The following CTSK variants were observed in gnomAD, a reference collection of about 807,000 sequenced individuals.
CTSK encodes cathepsin O.
Under a neutral mutation model 40.5 loss-of-function variants are expected in CTSK, and 26 were observed. That is an observed-to-expected ratio of 0.64 (90% confidence interval 0.47 to 0.89). CTSK has a LOEUF of 0.89. Among genes scored for constraint, CTSK ranks in the 40% least tolerant of loss-of-function variants. The pLI is 0.00. For missense variants in CTSK, 292 were observed against 400.1 expected (o/e 0.73, Z 2.30); for synonymous variants, 132 against 143.2 (o/e 0.92, Z 0.56).
At chr1:150,797,972 C>T (rs191986257) in intron 7 of CTSK, among the ~76,000 whole-genome samples, 2 of 152,276 alleles carry the variant, frequency 1.3e-5, no homozygotes, top group Admixed American at 6.5e-5. Flanking sequence ...AACACCACTG[C>T]GTGAGTCTGT....
intron 4 of CTSK, 27 bp from the exon 5 acceptor site, chr1:150,804,266 A>C: frequency 6.4e-7 from 1 of 1,564,082 alleles, no homozygotes; most frequent in Non-Finnish European, 8.8e-7. Context: ...GAAACTATCA[A>C]TCTTTGCTGT....
chr1:150,796,721 A>G lies in CTSK; in HGVS notation c.*78T>C, dbSNP rs200704218. ...CATCTGCTTCAAAAATAGCACACCA[A>G]CTCCCTTCCAAAGTGCATCGTTACA... On this transcript the variant is annotated 3_prime_UTR_variant, in exon 8 of 8. Transcript: ENST00000271651. The G allele has an allele frequency of 4.3e-5, 42 of 988,128 alleles. No individual in the cohort carries two copies. The highest frequency in any genetic ancestry group is 6.6e-5 in the Non-Finnish European group (40 of 608,264). 61.2% of individuals were successfully genotyped at this position (988,128 alleles called of 1,614,324 possible).
intron 4 of CTSK, among the ~76,000 whole-genome samples, chr1:150,805,638 C>CA (rs79027279): frequency 0.018 from 981 of 53,984 alleles, 7 homozygotes; most frequent in African/African-American, 0.024. Flanking sequence ...GACTCTATCT[C>CA]AAAAAAAAAA....
chr1:150,803,914 G>A (rs1654037881), intron 5 of CTSK, 107 bp downstream of exon 5: 2 of 1,005,036 alleles, frequency 2.0e-6, no homozygotes, highest in Admixed American at 3.5e-5. Context: ...CAAGAAAGCA[G>A]GATAGGATAA....
Position 150,799,166 on chromosome 1 carries a change from AC to A in CTSK, c.890+1del. The A allele has an allele frequency of 1.3e-6, 2 of 1,578,178 alleles. No individual in the cohort carries two copies. The highest frequency in any genetic ancestry group is 1.7e-6 in the Non-Finnish European group (2 of 1,147,246). On this transcript the variant is annotated splice_donor_variant, in intron 7 of 7. Transcript: ENST00000271651. LOFTEE classifies it high-confidence loss of function. ...TAACAAAAGTAGTGTTCCCATCATT[AC>A]CTGTTTTTAATTATCCAGTGCTTGT...
intron 1 of CTSK, among the ~76,000 whole-genome samples, chr1:150,807,080 TCACACACACA>T (rs1171180978): frequency 0.027 from 1,877 of 69,630 alleles, 49 homozygotes; most frequent in African/African-American, 0.064. Context: ...TCTCTCTCTC[TCACACACACA>T]CACACACACA....
At position 150,805,997 on chromosome 1, in the gene CTSK, T is replaced by C; in HGVS notation, c.263A>G (p.Gln88Arg). Residue 88 changes from glutamine (Q) to arginine (R), a missense_variant, in exon 4 of 8, where the codon CAG (glutamine) becomes CGG (arginine). Gln to Arg is a conservative substitution (Grantham distance 43). Coordinates refer to ENST00000271651, the MANE Select transcript of CTSK (RefSeq NM_000396.4). ...GGGTACTTTGAGTCCAGTCATCTTC[T>C]GAACCACCTCTTCACTGGTCTAAGA... is the stretch of plus-strand genomic sequence containing the variant. ...LGDMTSEEVV[Q>R]KMTGLKVPLS... is the part of the protein sequence containing the mutation. 6.2e-7 allele frequency: 1 copy of C among 1,614,234 alleles called. No homozygotes were observed. Among genetic ancestry groups the C allele is most frequent in the African/African-American group, 1.3e-5 (1 of 75,052 alleles).
chr1:150,796,689 A>G lies in CTSK; in HGVS notation c.*110T>C. ...GGGAAACTGAACAGACAATCTCAGTATCACCACATCTGCTTCAAAAATAGC... is the reference window on the plus strand; with the variant it reads ...GGGAAACTGAACAGACAATCTCAGTGTCACCACATCTGCTTCAAAAATAGC... On this transcript the variant is annotated 3_prime_UTR_variant, in exon 8 of 8. Transcript: ENST00000271651. The G allele has an allele frequency of 1.2e-6, 1 of 822,894 alleles. No individual in the cohort carries two copies. Among genetic ancestry groups the G allele is most frequent in the Admixed American group, 1.7e-5 (1 of 59,086 alleles). The allele number at this position is 822,894 out of a possible 1,614,324, so 51.0% of individuals were successfully genotyped here.
At chr1:150,800,470 A>G (rs4997932) in intron 5 of CTSK, 1 of 153,024 alleles carries the variant, frequency 6.5e-6, no homozygotes. Context: ...ATATAAAAGT[A>G]CATAACAAGA....
chr1:150,803,860 A>C (rs1270445470), intron 5 of CTSK, among the ~76,000 whole-genome samples, 161 bp downstream of exon 5: 14 of 152,208 alleles, frequency 9.2e-5, no homozygotes. Flanking sequence ...AAATTCCCCC[A>C]GATTGTGGAA....
intron 4 of CTSK, among the ~76,000 whole-genome samples, chr1:150,805,638 C>CAA (rs79027279): frequency 1.6e-3 from 85 of 54,828 alleles, no homozygotes; most frequent in African/African-American, 2.0e-3. Flanking sequence ...GACTCTATCT[C>CAA]AAAAAAAAAA....
intron 5 of CTSK, among the ~76,000 whole-genome samples, chr1:150,801,625 A>G (rs149447143): frequency 0.36 from 53,409 of 149,356 alleles, 9,841 homozygotes; most frequent in South Asian, 0.54. Flanking sequence ...TGCAAGCTCC[A>G]CCTCCCGGGT....
intron 7 of CTSK, among the ~76,000 whole-genome samples, chr1:150,798,336 C>T (rs587617653): frequency 1.3e-5 from 2 of 152,214 alleles, no homozygotes; most frequent in Admixed American, 1.3e-4. Context: ...ACGCTGTTCC[C>T]CTACTGTTAA....
At chr1:150,805,551 A>C (rs1654070024) in intron 4 of CTSK, among the ~76,000 whole-genome samples, 1 of 149,730 alleles carries the variant, frequency 6.7e-6, no homozygotes, top group South Asian at 2.2e-4. Flanking sequence ...AGGCAGGAGA[A>C]TCGCTTGAAC....
At chr1:150,799,055 T>G in intron 7 of CTSK, 113 bp downstream of exon 7, 1 of 766,108 alleles carries the variant, frequency 1.3e-6, no homozygotes, top group Admixed American at 1.9e-5. Context: ...AAGTGAGAAC[T>G]CTGAGATAAT....
intron 7 of CTSK, among the ~76,000 whole-genome samples, chr1:150,797,581 AAG>A (rs1232955078): frequency 1.3e-5 from 2 of 152,212 alleles, no homozygotes; most frequent in Admixed American, 6.5e-5. Flanking sequence ...ACTAGAAGAC[AAG>A]AGAGACGACG....
Position 150,806,030 on chromosome 1 carries a change from G to A in CTSK, c.244-14C>T. 6.2e-7 allele frequency: 1 copy of A among 1,614,186 alleles called. No homozygotes were observed. Among genetic ancestry groups the A allele is most frequent in the Non-Finnish European group, 8.5e-7 (1 of 1,180,046 alleles). ...CTCTTCACTGGTCTAAGACAAAGAA[G>A]AAAGAGGCCAGGCATCAGCAGGGAA... On this transcript the variant is annotated splice_polypyrimidine_tract_variant and intron_variant, in intron 3 of 7. Coordinates refer to ENST00000271651, the MANE Select transcript of CTSK (RefSeq NM_000396.4).
chr1:150,806,124 G>GCCAGTT lies in CTSK; in HGVS notation c.215_220dup (p.Glu72_Leu73dup), dbSNP rs1325132028. The GCCAGTT allele has an allele frequency of 6.2e-7, 1 of 1,614,068 alleles. No individual in the cohort carries two copies. Among genetic ancestry groups the GCCAGTT allele is most frequent in the African/African-American group, 1.3e-5 (1 of 74,914 alleles). The stretch of plus-strand genomic sequence containing the variant: ...TGCCATGTCCCCCAGGTGGTTCATA[G>GCCAGTT]CCAGTTCATATGTATGGACACCAAG... On this transcript the variant is annotated inframe_insertion, in exon 3 of 8. Transcript: ENST00000271651.
In CTSK at chr1:150,799,704, C is replaced by A. The variant is rs768562170; in HGVS notation, c.624G>T (p.Glu208Asp). 1 of 1,613,960 alleles carries A rather than the reference C, an allele frequency of 6.2e-7. No individual in the cohort carries two copies. The highest frequency in any genetic ancestry group is 8.5e-7 in the Non-Finnish European group (1 of 1,179,998). ...EDAYPYVGQE[E>D]SCMYNPTGKA... ...TGCCTGTTGGGTTGTACATACAACT[C>A]TCTTCCTGGAAGAAACAAGATTGTA... Residue 208 changes from glutamate (E) to aspartate (D), a missense_variant, in exon 6 of 8, where the codon GAG becomes GAT. Coordinates refer to ENST00000271651, the MANE Select transcript of CTSK (RefSeq NM_000396.4).
Sources: allele counts gnomAD v4.1 joint callset (sites outside exome capture counted in the v4.1 genomes callset), GRCh38; gene constraint gnomAD v4.1.1; transcripts MANE v1.5; gene names NCBI Gene and HGNC (gene_info 2026-07-23, HGNC 2026-07-21).